Variants in NEGR1 observed in about 807,000 individuals in gnomAD.
NEGR1 encodes the protein neuronal growth regulator 1.
A neutral mutation model predicts 40.9 loss-of-function variants in NEGR1; 10 were observed. The observed-to-expected ratio is 0.24, with a 90% CI of 0.15 to 0.42. The LOEUF (loss-of-function observed/expected upper bound fraction) is 0.42, where lower values mean the gene tolerates loss of function less well. NEGR1 is among the 10% of genes least tolerant of loss of function. The probability of loss-of-function intolerance (pLI) is 1.00; values close to 1 mark genes in which losing one functional copy is unlikely to be tolerated. For synonymous variants in NEGR1, 185 were observed against 166.8 expected (o/e 1.11, Z -0.84); for missense variants, 352 against 438.9 (o/e 0.80, Z 1.77).
chr1:71,786,604 T>A (rs533383975), intron 2 of NEGR1, among the ~76,000 whole-genome samples: 1 of 152,284 alleles, frequency 6.6e-6, no homozygotes, highest in East Asian at 1.9e-4. Flanking sequence ...GGGAGTGAGT[T>A]TGGGTCCATC....
chr1:71,732,548 T>C (rs972103167), intron 3 of NEGR1, among the ~76,000 whole-genome samples: 2 of 151,952 alleles, frequency 1.3e-5, no homozygotes, highest in Non-Finnish European at 2.9e-5. Context: ...GTGTTCTTTT[T>C]AGAGGCATTC....
chr1:71,745,620 T>C (rs1655356699), intron 3 of NEGR1, among the ~76,000 whole-genome samples: 1 of 152,080 alleles, frequency 6.6e-6, no homozygotes, highest in African/African-American at 2.4e-5. Flanking sequence ...TGTAAAAATT[T>C]TGGGAAAGTT....
intron 1 of NEGR1, among the ~76,000 whole-genome samples, chr1:71,943,135 G>A (rs1645986157): frequency 7.0e-6 from 1 of 142,874 alleles, no homozygotes; most frequent in Admixed American, 7.0e-5. Context: ...ATGTGTATGT[G>A]TGTGTATATA....
intron 1 of NEGR1, among the ~76,000 whole-genome samples, chr1:72,184,863 C>T (rs74824226): frequency 0.21 from 31,337 of 151,718 alleles, 3,759 homozygotes; most frequent in South Asian, 0.28. Context: ...CAATGCTTAC[C>T]TTATAGGGTT....
chr1:71,491,433 A>C (rs1646926851), intron 6 of NEGR1, among the ~76,000 whole-genome samples: 1 of 152,016 alleles, frequency 6.6e-6, no homozygotes, highest in African/African-American at 2.4e-5. Flanking sequence ...AGAAAACGTG[A>C]AGGAATATGT....
chr1:71,560,429 T>TTATATATATATATATATACA (rs1648411362), intron 6 of NEGR1, among the ~76,000 whole-genome samples: 1 of 114,266 alleles, frequency 8.8e-6, no homozygotes, highest in Non-Finnish European at 1.8e-5. Context: ...TAATTCTCCA[T>TTATATATATATATATATACA]TATATATATA....
intron 6 of NEGR1, among the ~76,000 whole-genome samples, chr1:71,528,545 C>T (rs1450913701): frequency 1.3e-5 from 2 of 151,184 alleles, no homozygotes; most frequent in Non-Finnish European, 3.0e-5. Context: ...TAACAAAATA[C>T]AGTAAACTAG....
At chr1:71,744,291 A>ATATATATATG (rs1205485075) in intron 3 of NEGR1, among the ~76,000 whole-genome samples, 24 of 148,096 alleles carry the variant, frequency 1.6e-4, no homozygotes, top group African/African-American at 5.4e-4. Flanking sequence ...TAACATATAT[A>ATATATATATG]TATATATATA....
At chr1:72,101,816 C>T (rs958917100) in intron 1 of NEGR1, among the ~76,000 whole-genome samples, 2 of 152,100 alleles carry the variant, frequency 1.3e-5, no homozygotes, top group African/African-American at 4.8e-5. Flanking sequence ...TACAGAGATC[C>T]ATTAAAATGA....
chr1:71,698,234 C>A, intron 3 of NEGR1, 95 bp from the exon 4 acceptor site: 1 of 1,037,092 alleles, frequency 9.6e-7, no homozygotes, highest in Non-Finnish European at 1.4e-6. Context: ...ATACTGCTGA[C>A]AAAACAATTC....
At chr1:71,470,593 G>A (rs1233052978) in intron 6 of NEGR1, among the ~76,000 whole-genome samples, 1 of 152,010 alleles carries the variant, frequency 6.6e-6, no homozygotes, top group African/African-American at 2.4e-5. Flanking sequence ...AGAGATGAGT[G>A]CTTTTACTGC....
At chr1:71,908,216 A>G (rs76385558) in intron 2 of NEGR1, among the ~76,000 whole-genome samples, 1 of 143,946 alleles carries the variant, frequency 6.9e-6, no homozygotes, top group East Asian at 2.0e-4. Context: ...TGCCACTACA[A>G]AAAAAAAAAA....
At chr1:71,799,723 T>G (rs1557656736) in intron 2 of NEGR1, among the ~76,000 whole-genome samples, 1 of 152,146 alleles carries the variant, frequency 6.6e-6, no homozygotes, top group Non-Finnish European at 1.5e-5. Flanking sequence ...CCTGACTTTT[T>G]TTTTTTTGAG....
intron 1 of NEGR1, among the ~76,000 whole-genome samples, chr1:72,126,210 C>T (rs979112060): frequency 6.6e-6 from 1 of 151,300 alleles, no homozygotes; most frequent in Non-Finnish European, 1.5e-5. Flanking sequence ...TTGGAAATGG[C>T]AATTTTTCTA....
chr1:72,036,669 A>AAT lies in NEGR1; in HGVS notation c.177-101359_177-101358insAT. 1.3e-5 allele frequency among the ~76,000 whole-genome samples: 2 copies of AAT among 151,936 alleles called. 1 individual carries two copies. Among genetic ancestry groups the AAT allele is most frequent in the Admixed American group, 1.3e-4 (2 of 15,240 alleles). On this transcript the variant is annotated intron_variant, in intron 1 of 6. Transcript: ENST00000357731. ...AGACTCCATCTCAAAAAAAAAAAAA[A>AAT]AAGCAATATTAAATTACACAAATGG...
At chr1:71,798,882 A>C (rs1037477334) in intron 2 of NEGR1, among the ~76,000 whole-genome samples, 6 of 152,170 alleles carry the variant, frequency 3.9e-5, no homozygotes, top group Non-Finnish European at 8.8e-5. Flanking sequence ...CTATGAATGC[A>C]TTCAAAGACT....
At chr1:72,017,168 G>C (rs941977539) in intron 1 of NEGR1, among the ~76,000 whole-genome samples, 1 of 151,294 alleles carries the variant, frequency 6.6e-6, no homozygotes, top group East Asian at 1.9e-4. Flanking sequence ...AAACCAAAGG[G>C]AGCTTAAAGG....
intron 1 of NEGR1, among the ~76,000 whole-genome samples, chr1:72,034,112 A>T (rs1174172854): frequency 2.0e-5 from 3 of 152,244 alleles, no homozygotes; most frequent in Non-Finnish European, 2.9e-5. Context: ...GCAGCCATGT[A>T]GCACAATCAA....
At chr1:71,801,148 C>A (rs189976688) in intron 2 of NEGR1, among the ~76,000 whole-genome samples, 4 of 152,148 alleles carry the variant, frequency 2.6e-5, no homozygotes, top group Admixed American at 6.6e-5. Flanking sequence ...GAAACATTTT[C>A]TCTGCTTTTC....
Sources: allele counts gnomAD v4.1 joint callset (sites outside exome capture counted in the v4.1 genomes callset), GRCh38; gene constraint gnomAD v4.1.1; transcripts MANE v1.5; gene names NCBI Gene and HGNC (gene_info 2026-07-23, HGNC 2026-07-21).